The following FRYL variants were observed in gnomAD, a reference collection of about 807,000 sequenced individuals.
FRYL encodes protein furry homolog-like.
A neutral mutation model predicts 351.2 loss-of-function variants in FRYL; 150 were observed. The ratio of observed to expected loss-of-function variants is 0.43; its 90% CI spans 0.37 to 0.49. The LOEUF is 0.49. Ranked by LOEUF, FRYL falls within the 20% of genes least tolerant of loss-of-function variation. FRYL has a pLI of 0.00. For missense variants in FRYL, 3,036 were observed against 3,619.3 expected, an observed-to-expected ratio of 0.84 and a Z score of 4.13; for synonymous variants, 1,153 against 1,257.1, an observed-to-expected ratio of 0.92 and a Z score of 1.75.
intron 2 of FRYL, among the ~76,000 whole-genome samples, chr4:48,687,826 G>T (rs1261901644): frequency 6.6e-6 from 1 of 152,100 alleles, no homozygotes; most frequent in Non-Finnish European, 1.5e-5. Context: ...ATTGAACAGA[G>T]AAGTTATGGT....
chr4:48,514,843 A>G (rs1374317845), intron 56 of FRYL, among the ~76,000 whole-genome samples, 185 bp downstream of exon 56: 1 of 152,238 alleles, frequency 6.6e-6, no homozygotes, highest in East Asian at 1.9e-4. Flanking sequence ...ATCCCATTAG[A>G]GTCAGGCATT....
chr4:48,625,575 G>A (rs1279297993), intron 4 of FRYL, among the ~76,000 whole-genome samples: 1 of 152,064 alleles, frequency 6.6e-6, no homozygotes, highest in African/African-American at 2.4e-5. Flanking sequence ...CATTTACATT[G>A]CATTATATCT....
At chr4:48,539,436 T>A (rs1337171388) in intron 47 of FRYL, among the ~76,000 whole-genome samples, 1 of 152,204 alleles carries the variant, frequency 6.6e-6, no homozygotes, top group African/African-American at 2.4e-5. Flanking sequence ...TTCCTATCCA[T>A]TCTTCGATAG....
In FRYL at chr4:48,671,873, C is replaced by CAAAAAAAAAAAAAAAA. The variant is rs71191252; in HGVS notation, c.-81+12784_-81+12799dup. Reference sequence around the variant, plus strand: ...GTCTCAAAAACAAAAAAAAAAAAAACAAAAAAAAAAAAAAAAAAGAAGGAA... The same window carrying CAAAAAAAAAAAAAAAA: ...GTCTCAAAAACAAAAAAAAAAAAAACAAAAAAAAAAAAAAAAAAAAAAAAAAAAAAAAAAGAAGGAA... On this transcript the variant is annotated intron_variant, in intron 3 of 63. Coordinates refer to ENST00000358350, the MANE Select transcript of FRYL (RefSeq NM_015030.2). 3.1e-3 allele frequency among the ~76,000 whole-genome samples: 163 copies of CAAAAAAAAAAAAAAAA among 51,838 alleles called. 1 individual carries two copies. Among genetic ancestry groups the CAAAAAAAAAAAAAAAA allele is most frequent in the East Asian group, 7.1e-3 (12 of 1,688 alleles). The allele number at this position is 51,838 out of a possible 152,430, so 34.0% of individuals were successfully genotyped here. A position where few individuals can be genotyped will look rare whatever the true frequency, so the allele number is the denominator to read the frequency against.
rs1348483222 is a variant in FRYL, at chr4:48,549,139, C to G, written c.4784+334G>C. 6.6e-6 allele frequency among the ~76,000 whole-genome samples: 1 copy of G among 152,020 alleles called. No homozygotes were observed. The highest frequency in any genetic ancestry group is 1.5e-5 in the Non-Finnish European group (1 of 68,004). On this transcript the variant is annotated intron_variant, in intron 39 of 63. Coordinates refer to ENST00000358350, the MANE Select transcript of FRYL (RefSeq NM_015030.2). The surrounding 1 kb of genome is among the most constrained non-coding windows in gnomAD (Gnocchi z 4.2). ...CAGTAATTGCTCTATTGTGATTTTGCTAAGTAGAATTCAATTTAACTCGAT... is the reference window on the plus strand; with the variant it reads ...CAGTAATTGCTCTATTGTGATTTTGGTAAGTAGAATTCAATTTAACTCGAT...
chr4:48,653,806 AAAGCAGCAGCAGCAGCAGCAGCAGCAG>A, intron 3 of FRYL: 1 of 1,260,118 alleles, frequency 7.9e-7, no homozygotes, highest in Non-Finnish European at 1.0e-6. Context: ...ATCAGCTGCA[AAAGCAGCAGCAGCAGCAGCAGCAGCAG>A]AAGCAGAAGC....
At chr4:48,663,774 CAAA>C (rs71191251) in intron 3 of FRYL, among the ~76,000 whole-genome samples, 6 of 70,102 alleles carry the variant, frequency 8.6e-5, no homozygotes, top group Admixed American at 2.0e-4. Context: ...GACTCCGTCT[CAAA>C]AAAAAAAAAA....
At chr4:48,537,709 A>G (rs1729198722) in intron 47 of FRYL, among the ~76,000 whole-genome samples, 2 of 152,214 alleles carry the variant, frequency 1.3e-5, no homozygotes, top group Non-Finnish European at 2.9e-5. Context: ...TCTTAAAAAC[A>G]TAAAAGATAT....
intron 1 of FRYL, among the ~76,000 whole-genome samples, chr4:48,737,837 C>A (rs954408978): frequency 6.6e-6 from 1 of 152,130 alleles, no homozygotes; most frequent in African/African-American, 2.4e-5. Context: ...TAATGTAATT[C>A]ATCACAGGAA....
At chr4:48,684,093 AGG>A (rs1313634345) in intron 3 of FRYL, among the ~76,000 whole-genome samples, 1 of 152,224 alleles carries the variant, frequency 6.6e-6, no homozygotes, top group Non-Finnish European at 1.5e-5. Context: ...CAAGGGGTTA[AGG>A]TAATAGGGAT....
rs1734426991 is a variant in FRYL at position 48,557,653 on chromosome 4, G to A, written c.3925C>T (p.Leu1309=). The A allele has an allele frequency of 6.8e-6, 11 of 1,614,156 alleles. No individual in the cohort carries two copies. The highest frequency in any genetic ancestry group is 8.5e-6 in the Non-Finnish European group (10 of 1,180,024). Residue 1309 remains leucine (L), a synonymous_variant, in exon 34 of 64, where the codon CTG becomes TTG. Coordinates refer to ENST00000358350, the MANE Select transcript of FRYL (RefSeq NM_015030.2). ...PAGRQVMLHY[L]LPWMNNIELV... ...TCGATGTTGTTCATCCATGGTAGCAGGTAGTGCAGCATCACCTGCCGCCCA... is the reference window on the plus strand; with the variant it reads ...TCGATGTTGTTCATCCATGGTAGCAAGTAGTGCAGCATCACCTGCCGCCCA...
chr4:48,624,759 G>A (rs998920873), intron 4 of FRYL, among the ~76,000 whole-genome samples: 1 of 152,212 alleles, frequency 6.6e-6, no homozygotes, highest in Admixed American at 6.5e-5. Flanking sequence ...ATCTGTGGAT[G>A]AGATTAACAT....
At chr4:48,519,692 G>A (rs1231764550) in intron 55 of FRYL, among the ~76,000 whole-genome samples, 2 of 150,700 alleles carry the variant, frequency 1.3e-5, no homozygotes, top group African/African-American at 4.9e-5. Flanking sequence ...TAGTAGAGAC[G>A]GGGTTTCACC....
intron 4 of FRYL, among the ~76,000 whole-genome samples, chr4:48,633,528 C>T (rs114071584): frequency 1.6e-3 from 241 of 152,242 alleles, no homozygotes; most frequent in African/African-American, 5.2e-3. Context: ...GGTACGCAAA[C>T]GAAAAATTAT....
chr4:48,543,481 T>C lies in FRYL; in HGVS notation c.5592+326A>G, dbSNP rs140344158. Among the ~76,000 whole-genome samples the C allele has an allele frequency of 4.1e-4, 62 of 152,326 alleles. No homozygotes were observed. The East Asian group carries it at 0.011, about 28-fold the overall frequency. On this transcript the variant is annotated intron_variant, in intron 44 of 63. Coordinates refer to ENST00000358350, the MANE Select transcript of FRYL (RefSeq NM_015030.2). ...AGTTCATTTATCTTAAAGCATAAAA[T>C]TCAATGCTCCACTTTACATTTAAAT...
chr4:48,755,694 C>T (rs1773701678), intron 1 of FRYL, among the ~76,000 whole-genome samples: 1 of 151,964 alleles, frequency 6.6e-6, no homozygotes. Flanking sequence ...TAATCAAAGC[C>T]AATGTTTTTG....
chr4:48,542,291 T>G (rs545723695), intron 44 of FRYL, among the ~76,000 whole-genome samples, 170 bp from the exon 45 acceptor site: 3 of 152,360 alleles, frequency 2.0e-5, no homozygotes, highest in Non-Finnish European at 4.4e-5. Flanking sequence ...CAATCAATGG[T>G]GTATAAATTG....
chr4:48,686,632 G>C (rs1486422062), intron 2 of FRYL, among the ~76,000 whole-genome samples: 2 of 152,164 alleles, frequency 1.3e-5, no homozygotes, highest in African/African-American at 2.4e-5. Context: ...CACAAAACCA[G>C]TCACTACTGG....
chr4:48,674,736 C>CAAAAAAAAAAAAAAA, intron 3 of FRYL, among the ~76,000 whole-genome samples: 1 of 55,786 alleles, frequency 1.8e-5, no homozygotes, highest in Non-Finnish European at 2.9e-5. Context: ...GACTCTGTCT[C>CAAAAAAAAAAAAAAA]AAAAAAAAAA....
Sources: gnomAD v4.1 joint callset for allele counts (sites outside exome capture counted in the v4.1 genomes callset) on GRCh38, gnomAD v4.1.1 for gene constraint, Gnocchi (gnomAD v3.1) non-coding constraint, MANE v1.5 for transcripts, NCBI Gene and HGNC (gene_info 2026-07-23, HGNC 2026-07-21) for gene names.